The following FOXK1 variants were observed in gnomAD, a reference collection of about 807,000 sequenced individuals.
FOXK1 encodes forkhead box K1, also known as forkhead box protein K1.
In FOXK1, 19 loss-of-function variants were observed where a neutral mutation model predicts 51.9. The observed-to-expected ratio is 0.37, with a 90% CI of 0.26 to 0.54. FOXK1 has a LOEUF of 0.54. Among genes scored for constraint, FOXK1 ranks in the 20% least tolerant of loss-of-function variants. The pLI, the probability that FOXK1 is intolerant of heterozygous loss-of-function variation, is 0.87. For synonymous variants in FOXK1, 537 were observed against 482.6 expected, an observed-to-expected ratio of 1.11 and a Z score of -1.48; for missense variants, 870 against 1,032.7, an observed-to-expected ratio of 0.84 and a Z score of 2.16.
At chr7:4,736,416 T>C (rs947159245) in intron 1 of FOXK1, among the ~76,000 whole-genome samples, 1 of 147,216 alleles carries the variant, frequency 6.8e-6, no homozygotes, top group Non-Finnish European at 1.5e-5. Context: ...TCAGTTTTGT[T>C]TTTTTTTTTT....
chr7:4,724,666 G>C (rs542463915), intron 1 of FOXK1, among the ~76,000 whole-genome samples: 3 of 152,336 alleles, frequency 2.0e-5, no homozygotes, highest in South Asian at 4.1e-4. Context: ...CAGGGCTCTG[G>C]GCTCAGCAGA....
In FOXK1 at chr7:4,735,831, A is replaced by G. The variant is rs1780545461; in HGVS notation, c.561-5007A>G. Reference sequence around the variant, plus strand: ...ATTACAGGGAGAGATGTAACTGGCAAACTCCCTGAGCATGCTGGGGAAACA... The same window carrying G: ...ATTACAGGGAGAGATGTAACTGGCAGACTCCCTGAGCATGCTGGGGAAACA... On this transcript the variant is annotated intron_variant, in intron 1 of 8. Transcript: ENST00000328914. The surrounding 1 kb of genome is among the most constrained non-coding windows in gnomAD (Gnocchi z 4.7). Among the ~76,000 whole-genome samples the G allele has an allele frequency of 6.6e-6, 1 of 152,316 alleles. No homozygotes were observed. Among genetic ancestry groups the G allele is most frequent in the East Asian group, 1.9e-4 (1 of 5,176 alleles).
chr7:4,707,236 G>A lies in FOXK1; in HGVS notation c.560+24368G>A, dbSNP rs1230809276. ...AGGGAAGAGGTGCGGGGAGCTCAGG[G>A]CGTTCGGGGTGGTGTTCTGGTGGAG... On this transcript the variant is annotated intron_variant, in intron 1 of 8. Coordinates refer to ENST00000328914, the MANE Select transcript of FOXK1 (RefSeq NM_001037165.2). The surrounding 1 kb of genome is among the most constrained non-coding windows in gnomAD (Gnocchi z 4.1). Among the ~76,000 whole-genome samples the A allele has an allele frequency of 2.0e-5, 3 of 152,192 alleles. No individual in the cohort carries two copies. Among genetic ancestry groups the A allele is most frequent in the Non-Finnish European group, 4.4e-5 (3 of 68,044 alleles).
chr7:4,706,044 GTGTATATA>G (rs1780097323), intron 1 of FOXK1, among the ~76,000 whole-genome samples: 1 of 105,832 alleles, frequency 9.4e-6, no homozygotes, highest in South Asian at 2.4e-4. Flanking sequence ...GTGTATATAC[GTGTATATA>G]TGTATATATA....
chr7:4,716,875 T>G (rs1182638296), intron 1 of FOXK1, among the ~76,000 whole-genome samples: 3 of 152,242 alleles, frequency 2.0e-5, no homozygotes, highest in Non-Finnish European at 4.4e-5. Flanking sequence ...TAATAGAGAT[T>G]AAAATTGGTT....
In FOXK1 at chr7:4,730,130, G is replaced by A. The variant is rs574264442; in HGVS notation, c.561-10708G>A. ...TCTTTTCTTTTTCCAAATAGGACAT[G>A]CTTATTTGCCTGATTACAAAAATAG... On this transcript the variant is annotated intron_variant, in intron 1 of 8. Transcript: ENST00000328914. The surrounding 1 kb of genome is among the most constrained non-coding windows in gnomAD (Gnocchi z 4.7). 5.3e-5 allele frequency among the ~76,000 whole-genome samples: 8 copies of A among 152,320 alleles called. No homozygotes were observed. The South Asian group carries it at 1.7e-3, about 32-fold the overall frequency.
At chr7:4,727,595 T>C (rs1290636671) in intron 1 of FOXK1, among the ~76,000 whole-genome samples, 2 of 152,204 alleles carry the variant, frequency 1.3e-5, no homozygotes, top group Non-Finnish European at 2.9e-5. Context: ...GATTACAGGC[T>C]TAGCCACGGC....
rs749180486 is a variant in FOXK1 at position 4,757,193 on chromosome 7, G to C, written c.1244+6G>C. On this transcript the variant is annotated splice_donor_region_variant and intron_variant, in intron 5 of 8. Coordinates refer to ENST00000328914, the MANE Select transcript of FOXK1 (RefSeq NM_001037165.2). ...TTCGGGCCTCTGTCCTCAAGGTAAA[G>C]TTCTCTGAGCGCCCGTCCTCCAGCT... 14 of 1,587,368 alleles carry C rather than the reference G, an allele frequency of 8.8e-6. No individual in the cohort carries two copies. The highest frequency in any genetic ancestry group is 1.4e-5 in the African/African-American group (1 of 73,958).
intron 1 of FOXK1, among the ~76,000 whole-genome samples, chr7:4,705,532 T>G (rs1171101999): frequency 6.9e-6 from 1 of 145,858 alleles, no homozygotes; most frequent in Admixed American, 6.9e-5. Flanking sequence ...TCTCTCTCTC[T>G]CTCTCTCTCT....
At chr7:4,719,747 G>A (rs1420948542) in intron 1 of FOXK1, among the ~76,000 whole-genome samples, 2 of 152,196 alleles carry the variant, frequency 1.3e-5, no homozygotes, top group East Asian at 3.8e-4. Flanking sequence ...CTCTCAAGGT[G>A]CTGGGATTAC....
chr7:4,691,628 G>A (rs1469865557), intron 1 of FOXK1, among the ~76,000 whole-genome samples: 1 of 152,098 alleles, frequency 6.6e-6, no homozygotes, highest in African/African-American at 2.4e-5. Flanking sequence ...GAGCCACCAC[G>A]CCCAGCCCAG....
At chr7:4,698,314 A>G (rs74346948) in intron 1 of FOXK1, among the ~76,000 whole-genome samples, 6,448 of 131,780 alleles carry the variant, frequency 0.049, 181 homozygotes, top group Middle Eastern at 0.071. Flanking sequence ...ATGTGTGTGT[A>G]TATATATATA....
chr7:4,727,676 C>T (rs1057232130), intron 1 of FOXK1, among the ~76,000 whole-genome samples: 3 of 152,234 alleles, frequency 2.0e-5, no homozygotes, highest in Non-Finnish European at 4.4e-5. Context: ...CTGAGGGCGG[C>T]CTGCTGTCCG....
intron 1 of FOXK1, among the ~76,000 whole-genome samples, chr7:4,685,769 C>A (rs767170567): frequency 1.3e-5 from 2 of 151,670 alleles, no homozygotes; most frequent in African/African-American, 2.4e-5. Flanking sequence ...GTGGCAAAAC[C>A]CTGTCTCTAC....
Position 4,731,181 on chromosome 7 carries a change from G to A in FOXK1, c.561-9657G>A, listed in dbSNP as rs890985351. ...TGGTAGGAGGTGGTGAGGGGCCTCCGAGGTGGTGGGTGAGCATCCCTGCAA... is the reference window on the plus strand; with the variant it reads ...TGGTAGGAGGTGGTGAGGGGCCTCCAAGGTGGTGGGTGAGCATCCCTGCAA... On this transcript the variant is annotated intron_variant, in intron 1 of 8. Coordinates refer to ENST00000328914, the MANE Select transcript of FOXK1 (RefSeq NM_001037165.2). This position sits in a 1 kb window ranked among gnomAD's most constrained non-coding sequence, Gnocchi z 5.3. Among the ~76,000 whole-genome samples the A allele has an allele frequency of 2.6e-5, 4 of 152,204 alleles. No individual in the cohort carries two copies. Among genetic ancestry groups the A allele is most frequent in the South Asian group, 2.1e-4 (1 of 4,822 alleles).
In FOXK1 at chr7:4,682,423, C is replaced by A. The variant is rs1041719660; in HGVS notation, c.115C>A (p.Pro39Thr). The change falls in exon 1 of 9, where the codon CCC (proline) becomes ACC (threonine). Residue 39 changes from proline (P) to threonine (T), a missense_variant. Around this residue, in one of 3 missense-constraint regions of FOXK1, gnomAD observed 399 missense variants for 475.6 expected, o/e 0.84. Transcript: ENST00000328914. This position sits in a 1 kb window ranked among gnomAD's most constrained non-coding sequence, Gnocchi z 7.6. The stretch of plus-strand genomic sequence containing the variant: ...CGCCGCCGCCTTCCCCGCGGCCGCA[C>A]CCCCGCCGGCCCCCGCGCAGCCCCA... ...AAAAAFPAAA[P>T]PPAPAQPQPP... 8.2e-6 allele frequency: 8 copies of A among 980,788 alleles called. No individual in the cohort carries two copies. Among genetic ancestry groups the A allele is most frequent in the African/African-American group, 1.8e-5 (1 of 56,516 alleles). The allele number at this position is 980,788 out of a possible 1,614,324, so 60.8% of individuals were successfully genotyped here.
At position 4,747,143 on chromosome 7, in the gene FOXK1, C is replaced by T. The variant is rs988265364; in HGVS notation, c.746+6120C>T. ...AAGGACATCCCCACGCCCGCGTTTCCTGTAATCTCGGAGGGTCCTAGCGCC... is the reference window on the plus strand; with the variant it reads ...AAGGACATCCCCACGCCCGCGTTTCTTGTAATCTCGGAGGGTCCTAGCGCC... On this transcript the variant is annotated intron_variant, in intron 2 of 8. Coordinates refer to ENST00000328914, the MANE Select transcript of FOXK1 (RefSeq NM_001037165.2). This position sits in a 1 kb window ranked among gnomAD's most constrained non-coding sequence, Gnocchi z 9.2. Among the ~76,000 whole-genome samples the T allele has an allele frequency of 1.3e-5, 2 of 152,220 alleles. No homozygotes were observed. The highest frequency in any genetic ancestry group is 4.8e-5 in the African/African-American group (2 of 41,450).
At position 4,740,937 on chromosome 7, in the gene FOXK1, C is replaced by G. The variant is rs769348806; in HGVS notation, c.660C>G (p.Pro220=). ...APASPLRPLY[P]QISPLKIHIP... ...CCTCCCCGCTGCGGCCACTGTACCC[C>G]CAGATCTCCCCTCTGAAGATCCACA... Residue 220 remains proline (P), a synonymous_variant, in exon 2 of 9, where the codon CCC becomes CCG. Transcript: ENST00000328914. 1.3e-6 allele frequency: 2 copies of G among 1,583,170 alleles called. No homozygotes were observed. The highest frequency in any genetic ancestry group is 1.7e-6 in the Non-Finnish European group (2 of 1,167,086).
rs373214751 is a variant in FOXK1 at position 4,724,859 on chromosome 7, C to T, written c.561-15979C>T. On this transcript the variant is annotated intron_variant, in intron 1 of 8. Transcript: ENST00000328914. Reference sequence around the variant, plus strand: ...CTGCCCACCTCTTCTGAGACTCCCACGAGGGCTGTGCCGTAGGCCACACCC... The same window carrying T: ...CTGCCCACCTCTTCTGAGACTCCCATGAGGGCTGTGCCGTAGGCCACACCC... Among the ~76,000 whole-genome samples, 383 of 152,344 alleles carry T rather than the reference C, an allele frequency of 2.5e-3. 6 individuals are homozygous for T. The South Asian group carries it at 0.031, about 13-fold the overall frequency.
Sources: gnomAD v4.1 joint callset for allele counts (sites outside exome capture counted in the v4.1 genomes callset) on GRCh38, gnomAD v4.1.1 for gene constraint, gnomAD v4.1.1 regional missense constraint, Gnocchi (gnomAD v3.1) non-coding constraint, MANE v1.5 for transcripts, NCBI Gene and HGNC (gene_info 2026-07-23, HGNC 2026-07-21) for gene names.